Variants in SKAP1 observed in about 807,000 individuals in gnomAD.
SKAP1 encodes src kinase associated phosphoprotein 1.
A neutral mutation model predicts 58.5 loss-of-function variants in SKAP1; 44 were observed. That is an observed-to-expected ratio of 0.75 (90% CI 0.59 to 0.97). The LOEUF (loss-of-function observed/expected upper bound fraction) is 0.97, where lower values mean the gene tolerates loss of function less well. Among genes scored for constraint, SKAP1 ranks in the 50% least tolerant of loss-of-function variants. The probability of loss-of-function intolerance (pLI) is 0.00; values close to 1 mark genes in which losing one functional copy is unlikely to be tolerated. For synonymous variants in SKAP1, 127 were observed against 149.7 expected (o/e 0.85, Z 1.11); for missense variants, 390 against 435.2 (o/e 0.90, Z 0.92).
intron 4 of SKAP1, among the ~76,000 whole-genome samples, chr17:48,257,226 G>A (rs2065433220): frequency 6.6e-6 from 1 of 151,904 alleles, no homozygotes; most frequent in Non-Finnish European, 1.5e-5. Flanking sequence ...TTGAGGTTAT[G>A]AAACTGAAGG....
intron 4 of SKAP1, among the ~76,000 whole-genome samples, chr17:48,281,140 C>T: frequency 6.6e-6 from 1 of 152,164 alleles, no homozygotes; most frequent in Non-Finnish European, 1.5e-5. Context: ...ATACCCCTGC[C>T]TCAGCCTCCC....
At chr17:48,202,368 T>C (rs2064739400) in intron 4 of SKAP1, among the ~76,000 whole-genome samples, 1 of 152,106 alleles carries the variant, frequency 6.6e-6, no homozygotes, top group Admixed American at 6.5e-5. Context: ...GCAATGTGGC[T>C]TTGACCTGGT....
chr17:48,406,496 C>T (rs909589080), intron 1 of SKAP1, among the ~76,000 whole-genome samples: 19 of 151,330 alleles, frequency 1.3e-4, no homozygotes, highest in African/African-American at 4.1e-4. Context: ...CTCAACCTCC[C>T]GGGCTCAAGT....
At chr17:48,159,830 AG>A (rs2064042754) in intron 11 of SKAP1, among the ~76,000 whole-genome samples, 1 of 152,256 alleles carries the variant, frequency 6.6e-6, no homozygotes. Context: ...AATATAATAC[AG>A]GTGAATCAAA....
intron 11 of SKAP1, among the ~76,000 whole-genome samples, chr17:48,159,707 C>G (rs910537741): frequency 2.6e-5 from 4 of 152,278 alleles, no homozygotes; most frequent in Admixed American, 6.5e-5. Context: ...AGTGGAATCT[C>G]GTTTTCTATC....
chr17:48,355,429 C>G (rs2066862980), intron 3 of SKAP1, among the ~76,000 whole-genome samples: 2 of 152,098 alleles, frequency 1.3e-5, no homozygotes, highest in Non-Finnish European at 2.9e-5. Context: ...AGGTGCACAC[C>G]CCCATGCTTG....
chr17:48,409,616 C>T (rs928723245), intron 1 of SKAP1, among the ~76,000 whole-genome samples: 7 of 147,662 alleles, frequency 4.7e-5, no homozygotes, highest in South Asian at 4.2e-4. Context: ...TGCAGTGAGC[C>T]GAGATTGTGC....
At chr17:48,143,309 C>G (rs558469467) in intron 11 of SKAP1, among the ~76,000 whole-genome samples, 58 of 151,114 alleles carry the variant, frequency 3.8e-4, no homozygotes, top group African/African-American at 1.4e-3. Flanking sequence ...TCTCCTGCCT[C>G]AGCCTCCAGA....
At chr17:48,404,550 A>G (rs2067545572) in intron 1 of SKAP1, among the ~76,000 whole-genome samples, 1 of 152,178 alleles carries the variant, frequency 6.6e-6, no homozygotes, top group African/African-American at 2.4e-5. Flanking sequence ...GAAAATATAT[A>G]CTAAATTACA....
intron 1 of SKAP1, among the ~76,000 whole-genome samples, chr17:48,399,762 C>CAAA (rs71141990): frequency 7.5e-6 from 1 of 134,220 alleles, no homozygotes; most frequent in Non-Finnish European, 1.6e-5. Context: ...ACTCTTGTCT[C>CAAA]AAAAAAAAAA....
At chr17:48,359,199 C>A (rs2066908473) in intron 3 of SKAP1, among the ~76,000 whole-genome samples, 1 of 152,104 alleles carries the variant, frequency 6.6e-6, no homozygotes, top group African/African-American at 2.4e-5. Context: ...CCCATATATA[C>A]ATCATTCAGC....
At chr17:48,169,441 C>T (rs1042173303) in intron 10 of SKAP1, among the ~76,000 whole-genome samples, 1 of 152,174 alleles carries the variant, frequency 6.6e-6, no homozygotes, top group Admixed American at 6.6e-5. Flanking sequence ...GAATTCTGTA[C>T]AGTAAGTAGA....
At chr17:48,230,231 C>G (rs773409231) in intron 4 of SKAP1, among the ~76,000 whole-genome samples, 1 of 152,114 alleles carries the variant, frequency 6.6e-6, no homozygotes, top group East Asian at 1.9e-4. Flanking sequence ...AATAATAAAC[C>G]AGGCAATGTT....
intron 8 of SKAP1, among the ~76,000 whole-genome samples, chr17:48,181,519 A>G (rs2064368956): frequency 6.6e-6 from 1 of 152,230 alleles, no homozygotes; most frequent in African/African-American, 2.4e-5. Context: ...ATAACTGAGT[A>G]AAACAGGCAA....
intron 6 of SKAP1, 161 bp from the exon 7 acceptor site, chr17:48,185,008 C>T: frequency 3.1e-6 from 2 of 642,436 alleles, no homozygotes; most frequent in Non-Finnish European, 5.2e-6. Context: ...GAAGAGGCTA[C>T]TGCGACAGTA....
At chr17:48,230,643 C>G (rs1319618324) in intron 4 of SKAP1, among the ~76,000 whole-genome samples, 1 of 152,056 alleles carries the variant, frequency 6.6e-6, no homozygotes, top group Non-Finnish European at 1.5e-5. Flanking sequence ...GTAGTCTCAT[C>G]TACTTGGGAG....
intron 2 of SKAP1, among the ~76,000 whole-genome samples, chr17:48,381,507 A>G (rs2067214548): frequency 6.6e-6 from 1 of 152,230 alleles, no homozygotes; most frequent in Non-Finnish European, 1.5e-5. Context: ...CAAGCCCACC[A>G]GAAGGGATTT....
At chr17:48,240,215 C>T (rs1463804672) in intron 4 of SKAP1, among the ~76,000 whole-genome samples, 1 of 151,498 alleles carries the variant, frequency 6.6e-6, no homozygotes, top group Non-Finnish European at 1.5e-5. Flanking sequence ...GAAAAATAAA[C>T]CAGAGTAAAG....
At chr17:48,241,181 C>T (rs922491709) in intron 4 of SKAP1, among the ~76,000 whole-genome samples, 1 of 151,984 alleles carries the variant, frequency 6.6e-6, no homozygotes, top group Admixed American at 6.5e-5. Flanking sequence ...TCATCACTAG[C>T]CTCTAGCAAT....
Sources: gnomAD v4.1 joint callset for allele counts (sites outside exome capture counted in the v4.1 genomes callset) on GRCh38, gnomAD v4.1.1 for gene constraint, MANE v1.5 for transcripts, NCBI Gene and HGNC (gene_info 2026-07-23, HGNC 2026-07-21) for gene names.